Variants in CACUL1 observed in about 807,000 individuals in gnomAD.
The protein encoded by CACUL1 is CDK2-associated and cullin domain-containing protein 1.
Under a neutral mutation model 45.2 loss-of-function variants are expected in CACUL1, and 13 were observed. The ratio of observed to expected loss-of-function variants is 0.29; its 90% CI spans 0.19 to 0.46. The LOEUF is 0.46. Ranked by LOEUF, CACUL1 falls within the 20% of genes least tolerant of loss-of-function variation. CACUL1 has a pLI of 1.00. For missense variants in CACUL1, 421 were observed against 471.4 expected (o/e 0.89, Z 0.99); for synonymous variants, 197 against 174.2 (o/e 1.13, Z -1.03).
At chr10:118,718,364 C>T (rs962923674) in intron 3 of CACUL1, among the ~76,000 whole-genome samples, 3 of 152,070 alleles carry the variant, frequency 2.0e-5, no homozygotes, top group South Asian at 2.1e-4. Context: ...GGAGGGAACT[C>T]ACCTGCACAC....
At chr10:118,699,444 G>A (rs193254669) in intron 5 of CACUL1, among the ~76,000 whole-genome samples, 76 of 152,046 alleles carry the variant, frequency 5.0e-4, no homozygotes, top group African/African-American at 1.2e-3. Flanking sequence ...CTTTGCATAC[G>A]TCCAATAAAA....
intron 4 of CACUL1, among the ~76,000 whole-genome samples, chr10:118,704,515 C>T (rs907273013): frequency 1.3e-5 from 2 of 152,232 alleles, no homozygotes; most frequent in Non-Finnish European, 2.9e-5. Flanking sequence ...GAAAGCCAAG[C>T]TACAGGCAAA....
At chr10:118,696,849 A>G (rs1212403648) in intron 5 of CACUL1, among the ~76,000 whole-genome samples, 4 of 152,190 alleles carry the variant, frequency 2.6e-5, no homozygotes, top group Non-Finnish European at 1.5e-5. Flanking sequence ...CCATCTTCCT[A>G]ACCTTTTCAC....
At chr10:118,699,747 C>T (rs1845359438) in intron 5 of CACUL1, among the ~76,000 whole-genome samples, 1 of 152,094 alleles carries the variant, frequency 6.6e-6, no homozygotes, top group Admixed American at 6.5e-5. Flanking sequence ...CGGGTTCACG[C>T]CATTCCCCCT....
At position 118,704,214 on chromosome 10, in the gene CACUL1, GA is replaced by G. The variant is rs563822145; in HGVS notation, c.694-2807del. Among the ~76,000 whole-genome samples the G allele has an allele frequency of 6.5e-3, 845 of 129,538 alleles. 8 individuals are homozygous for G. Among genetic ancestry groups the G allele is most frequent in the African/African-American group, 0.017 (607 of 35,060 alleles). 85.0% of individuals were successfully genotyped at this position (129,538 alleles called of 152,430 possible). On this transcript the variant is annotated intron_variant, in intron 4 of 8. Coordinates refer to ENST00000369151, the MANE Select transcript of CACUL1 (RefSeq NM_153810.5). ...AACATACCAAGATCCCATCGCTACT[GA>G]AAAAAAAAAAAAAAATTCCTAACAT...
intron 5 of CACUL1, among the ~76,000 whole-genome samples, chr10:118,699,679 C>G (rs992400925): frequency 6.6e-6 from 1 of 151,290 alleles, no homozygotes; most frequent in African/African-American, 2.4e-5. Flanking sequence ...GAGTCTTGCT[C>G]TGTCGCCCAG....
At chr10:118,741,278 C>T (rs983371016) in intron 1 of CACUL1, among the ~76,000 whole-genome samples, 13 of 151,928 alleles carry the variant, frequency 8.6e-5, no homozygotes, top group Non-Finnish European at 1.6e-4. Flanking sequence ...AAGAGTTTGG[C>T]GAATCTCAAA....
At chr10:118,712,880 AC>A (rs1845503008) in intron 3 of CACUL1, among the ~76,000 whole-genome samples, 1 of 152,168 alleles carries the variant, frequency 6.6e-6, no homozygotes, top group Non-Finnish European at 1.5e-5. Flanking sequence ...TGGAAAAGGC[AC>A]CACAAGTTCC....
chr10:118,725,159 C>A (rs1483158787), intron 3 of CACUL1, among the ~76,000 whole-genome samples: 2 of 152,116 alleles, frequency 1.3e-5, no homozygotes, highest in Non-Finnish European at 2.9e-5. Flanking sequence ...ATAAATAGAA[C>A]TTCGTTATTA....
At chr10:118,719,719 G>A (rs944486110) in intron 3 of CACUL1, among the ~76,000 whole-genome samples, 2 of 152,022 alleles carry the variant, frequency 1.3e-5, no homozygotes, top group Non-Finnish European at 2.9e-5. Context: ...GCCAAGGCAG[G>A]AGAATCGCTT....
rs1342458232 is a variant in CACUL1 at position 118,677,196 on chromosome 10, T to C, written c.*8932A>G. 2 of 152,224 alleles carry C rather than the reference T, an allele frequency of 1.3e-5. No individual in the cohort carries two copies. Among genetic ancestry groups the C allele is most frequent in the Admixed American group, 6.5e-5 (1 of 15,278 alleles). 9.4% of individuals were successfully genotyped at this position (152,224 alleles called of 1,614,324 possible). A position where few individuals can be genotyped will look rare whatever the true frequency, so the allele number is the denominator to read the frequency against. Reference sequence around the variant, plus strand: ...TTTCTATTTTCTAAATTACCTTCCATTGACTTATCTGTTTACCCTGGCATA... The same window carrying C: ...TTTCTATTTTCTAAATTACCTTCCACTGACTTATCTGTTTACCCTGGCATA... On this transcript the variant is annotated 3_prime_UTR_variant, in exon 9 of 9. Coordinates refer to ENST00000369151, the MANE Select transcript of CACUL1 (RefSeq NM_153810.5).
chr10:118,738,289 TGA>T (rs1845758318), intron 1 of CACUL1, among the ~76,000 whole-genome samples: 1 of 152,038 alleles, frequency 6.6e-6, no homozygotes, highest in Non-Finnish European at 1.5e-5. Flanking sequence ...GTGGAGAAAC[TGA>T]GAGACAAAGG....
intron 5 of CACUL1, among the ~76,000 whole-genome samples, chr10:118,699,621 T>C (rs911909667): frequency 6.6e-6 from 1 of 150,826 alleles, no homozygotes; most frequent in African/African-American, 2.4e-5. Flanking sequence ...CTTAAGTGGT[T>C]ATAATACCTG....
intron 3 of CACUL1, among the ~76,000 whole-genome samples, chr10:118,719,699 T>C (rs1212118652): frequency 6.6e-6 from 1 of 151,968 alleles, no homozygotes; most frequent in African/African-American, 2.4e-5. Flanking sequence ...TAATCCCAGC[T>C]ACTCAGGGGG....
intron 3 of CACUL1, among the ~76,000 whole-genome samples, chr10:118,725,116 A>G (rs1284204850): frequency 6.6e-6 from 1 of 152,186 alleles, no homozygotes; most frequent in Non-Finnish European, 1.5e-5. Context: ...GGAAATGTAC[A>G]TTTTGAGGCT....
chr10:118,699,790 C>T (rs896822882), intron 5 of CACUL1, among the ~76,000 whole-genome samples: 1 of 152,022 alleles, frequency 6.6e-6, no homozygotes, highest in African/African-American at 2.4e-5. Context: ...GGACTACAGG[C>T]GCCCGCCACC....
chr10:118,691,347 G>A lies in CACUL1; in HGVS notation c.943C>T (p.Pro315Ser), dbSNP rs774818489. 3 of 1,612,412 alleles carry A rather than the reference G, an allele frequency of 1.9e-6. No individual in the cohort carries two copies. The highest frequency in any genetic ancestry group is 3.3e-5 in the Admixed American group (2 of 60,018). Residue 315 changes from proline (P) to serine (S), a missense_variant, in exon 7 of 9, where the codon CCG (proline) becomes TCG (serine). This residue lies in a region of CACUL1 where 208 missense variants were observed against 298.4 expected (regional missense o/e 0.70). Transcript: ENST00000369151. ...TCAGAAAGTTCAGATTCCACCGCCG[G>A]AGGGAGAATGTTTGGAATAAATTTA... The part of the protein sequence containing the change: ...FSKFIPNILP[P>S]AVESELSEYA...
intron 1 of CACUL1, among the ~76,000 whole-genome samples, chr10:118,735,580 C>G (rs1034956121): frequency 4.6e-5 from 7 of 152,188 alleles, no homozygotes; most frequent in African/African-American, 1.2e-4. Flanking sequence ...TTCAGCAGCC[C>G]TGGACAGCCA....
At chr10:118,720,267 G>A (rs1258996029) in intron 3 of CACUL1, among the ~76,000 whole-genome samples, 1 of 152,046 alleles carries the variant, frequency 6.6e-6, no homozygotes, top group African/African-American at 2.4e-5. Context: ...AAAGTAACTG[G>A]CTAGGTGCTA....
Sources: allele counts gnomAD v4.1 joint callset (sites outside exome capture counted in the v4.1 genomes callset), GRCh38; gene constraint gnomAD v4.1.1; regional missense constraint gnomAD v4.1.1; transcripts MANE v1.5; gene names NCBI Gene and HGNC (gene_info 2026-07-23, HGNC 2026-07-21).